The following MYH15 variants were observed in gnomAD, a reference collection of about 807,000 sequenced individuals.
The protein encoded by MYH15 is myosin-15.
In MYH15, 227 loss-of-function variants were observed where a neutral mutation model predicts 240.5. The ratio of observed to expected loss-of-function variants is 0.94; its 90% CI spans 0.85 to 1.05. The LOEUF (loss-of-function observed/expected upper bound fraction) is 1.05, where lower values mean the gene tolerates loss of function less well. Ranked by LOEUF, MYH15 falls within the 50% of genes least tolerant of loss-of-function variation. The probability of loss-of-function intolerance (pLI) is 0.00; values close to 1 mark genes in which losing one functional copy is unlikely to be tolerated. For synonymous variants in MYH15, 785 were observed against 796.7 expected (o/e 0.99, Z 0.25); for missense variants, 2,217 against 2,247.5 (o/e 0.99, Z 0.27).
intron 1 of MYH15, among the ~76,000 whole-genome samples, chr3:108,518,568 G>C (rs1433845944): frequency 6.6e-6 from 1 of 152,166 alleles, no homozygotes; most frequent in Non-Finnish European, 1.5e-5. Flanking sequence ...AGCCTATAGA[G>C]CTCTCCATCC....
rs770487770 is a variant in MYH15 at position 108,428,517 on chromosome 3, C to T, written c.3677G>A (p.Arg1226His). Residue 1226 changes from arginine (R) to histidine (H), a missense_variant, in exon 27 of 41, where the codon CGT becomes CAT. Arg to His is a conservative substitution (Grantham distance 29, BLOSUM62 0). Coordinates refer to ENST00000693548, the MANE Select transcript of MYH15 (RefSeq NM_014981.3). ...CTTAGCTCTTGTCATCTGCTCAACA[C>T]GGGTCAGGAGGTCATCTACTTCTAG... ...LQLEVDDLLT[R>H]VEQMTRAKAN... 8.1e-6 allele frequency: 13 copies of T among 1,613,586 alleles called. No homozygotes were observed. Among genetic ancestry groups the T allele is most frequent in the South Asian group, 2.2e-5 (2 of 91,026 alleles).
intron 27 of MYH15, among the ~76,000 whole-genome samples, chr3:108,425,393 G>T (rs1560348495): frequency 6.6e-6 from 1 of 152,024 alleles, no homozygotes; most frequent in African/African-American, 2.4e-5. Context: ...ATATTAATTT[G>T]GGCATATAAA....
chr3:108,421,734 C>T (rs2082685897), intron 27 of MYH15, among the ~76,000 whole-genome samples: 1 of 152,116 alleles, frequency 6.6e-6, no homozygotes, highest in African/African-American at 2.4e-5. Context: ...ATCTAGAAGG[C>T]TGCCCAAGCA....
intron 30 of MYH15, among the ~76,000 whole-genome samples, chr3:108,413,779 C>G (rs9810390): frequency 0.43 from 64,831 of 152,048 alleles, 14,277 homozygotes; most frequent in African/African-American, 0.5. Flanking sequence ...TTTTTTCCAG[C>G]TTCCCTGTCC....
At chr3:108,515,867 T>C (rs550044952) in intron 1 of MYH15, among the ~76,000 whole-genome samples, 5 of 152,276 alleles carry the variant, frequency 3.3e-5, no homozygotes, top group Admixed American at 1.3e-4. Context: ...GAAATTCACA[T>C]AGTGGCAGCT....
intron 24 of MYH15, among the ~76,000 whole-genome samples, 191 bp downstream of exon 24, chr3:108,439,546 A>G (rs1282652485): frequency 2.0e-5 from 3 of 152,254 alleles, no homozygotes; most frequent in Non-Finnish European, 2.9e-5. Context: ...GACAGATTAT[A>G]TGCAGAGACC....
chr3:108,498,789 T>A (rs908053908), intron 5 of MYH15, among the ~76,000 whole-genome samples: 1 of 152,234 alleles, frequency 6.6e-6, no homozygotes, highest in Non-Finnish European at 1.5e-5. Context: ...CCTCTTGGGA[T>A]AACTGAAGCC....
rs115326770 is a variant in MYH15 at position 108,503,025 on chromosome 3, C to T, written c.196-1170G>A. Among the ~76,000 whole-genome samples the T allele has an allele frequency of 7.7e-3, 1,174 of 152,148 alleles. 13 individuals are homozygous for T. The highest frequency in any genetic ancestry group is 0.027 in the African/African-American group (1,116 of 41,484). ...ACACCCACTAGATTTATTGCCTTTG[C>T]TAATGTTACAAAGACCATTGTAACA... is the stretch of plus-strand genomic sequence containing the variant. On this transcript the variant is annotated intron_variant, in intron 2 of 40. Coordinates refer to ENST00000693548, the MANE Select transcript of MYH15 (RefSeq NM_014981.3).
intron 38 of MYH15, among the ~76,000 whole-genome samples, chr3:108,386,763 AC>A (rs993314901): frequency 6.6e-6 from 1 of 151,984 alleles, no homozygotes; most frequent in Non-Finnish European, 1.5e-5. Context: ...AACCCTCTCA[AC>A]ACAGCAACTT....
intron 11 of MYH15, among the ~76,000 whole-genome samples, chr3:108,478,064 A>T (rs1216868817): frequency 6.6e-6 from 1 of 152,164 alleles, no homozygotes; most frequent in Non-Finnish European, 1.5e-5. Flanking sequence ...TTATAATAGA[A>T]GGTAATGCAG....
At position 108,456,827 on chromosome 3, in the gene MYH15, C is replaced by T; in HGVS notation, c.2077G>A (p.Gly693Arg). 6.2e-7 allele frequency: 1 copy of T among 1,613,866 alleles called. No individual in the cohort carries two copies. The highest frequency in any genetic ancestry group is 8.5e-7 in the Non-Finnish European group (1 of 1,179,852). Residue 693 changes from glycine to arginine, a missense_variant, in exon 19 of 41, where the codon GGG (glycine) becomes AGG (arginine). Gly to Arg is a moderately radical substitution (Grantham distance 125). Coordinates refer to ENST00000693548, the MANE Select transcript of MYH15 (RefSeq NM_014981.3). ...AAACCTTCACGGCATATCCTAGTCC[C>T]TTCCAAGACACCATTACAGCGCAAC... is the stretch of plus-strand genomic sequence containing the variant. ...QQLRCNGVLE[G>R]TRICREGFPN...
chr3:108,488,209 G>A (rs753011676), intron 9 of MYH15, among the ~76,000 whole-genome samples: 1 of 152,092 alleles, frequency 6.6e-6, no homozygotes, highest in African/African-American at 2.4e-5. Context: ...ACATGGGTGA[G>A]ATCATGTGGT....
chr3:108,499,082 T>A (rs571260001), intron 5 of MYH15, among the ~76,000 whole-genome samples: 1 of 152,204 alleles, frequency 6.6e-6, no homozygotes. Context: ...CTGCTTGTTA[T>A]CTGTTCCATG....
At chr3:108,414,113 T>C (rs1238096673) in intron 30 of MYH15, 119 bp downstream of exon 30, 5 of 1,094,982 alleles carry the variant, frequency 4.6e-6, no homozygotes, top group Non-Finnish European at 6.5e-6. Flanking sequence ...TTTGGGCTTG[T>C]TCCTGCACTC....
chr3:108,419,097 T>C (rs1287549945), intron 28 of MYH15, among the ~76,000 whole-genome samples: 1 of 152,166 alleles, frequency 6.6e-6, no homozygotes, highest in Non-Finnish European at 1.5e-5. Context: ...ATAAATCCAC[T>C]AGCTGGTTGA....
intron 7 of MYH15, 68 bp from the exon 8 acceptor site, chr3:108,493,245 C>G (rs1222960595): frequency 8.5e-6 from 10 of 1,176,694 alleles, no homozygotes; most frequent in African/African-American, 1.5e-5. Context: ...CAAGCACTTG[C>G]AATGGCTTCA....
chr3:108,433,805 T>A (rs1208191180), intron 25 of MYH15, among the ~76,000 whole-genome samples: 1 of 152,166 alleles, frequency 6.6e-6, no homozygotes, highest in African/African-American at 2.4e-5. Flanking sequence ...ATTAAACCCT[T>A]TTTCCTGTAT....
chr3:108,418,045 G>A (rs777507810), intron 28 of MYH15, among the ~76,000 whole-genome samples: 40 of 151,976 alleles, frequency 2.6e-4, no homozygotes, highest in Non-Finnish European at 1.9e-4. Flanking sequence ...TTTTGTTATT[G>A]GCAACAAATG....
rs1340746152 is a variant in MYH15 at position 108,430,901 on chromosome 3, C to T, written c.3243G>A (p.Gln1081=). Reference sequence around the variant, plus strand: ...TCTCATTCTCCACTTTTGAATTCATCTGACTCAATTCTAATTCTTTTCTGT... The same window carrying T: ...TCTCATTCTCCACTTTTGAATTCATTTGACTCAATTCTAATTCTTTTCTGT... The part of the protein sequence containing the change: ...ELRKKELELS[Q]MNSKVENEKG... Residue 1081 remains glutamine, a synonymous_variant, in exon 26 of 41, where the codon CAG becomes CAA. Transcript: ENST00000693548. 1.7e-5 allele frequency: 28 copies of T among 1,610,932 alleles called. No homozygotes were observed. Among genetic ancestry groups the T allele is most frequent in the Non-Finnish European group, 2.4e-5 (28 of 1,178,490 alleles).
Sources: gnomAD v4.1 joint callset for allele counts (sites outside exome capture counted in the v4.1 genomes callset) on GRCh38, gnomAD v4.1.1 for gene constraint, MANE v1.5 for transcripts, NCBI Gene and HGNC (gene_info 2026-07-23, HGNC 2026-07-21) for gene names.